PLCG2: variants seen among roughly 807,000 people sequenced by gnomAD.
The protein encoded by PLCG2 is phospholipase C gamma 2.
PLCG2 carries 69 observed loss-of-function variants against 175.6 expected under a neutral mutation model. The ratio of observed to expected loss-of-function variants is 0.39; its 90% CI spans 0.32 to 0.48. The LOEUF (loss-of-function observed/expected upper bound fraction) is 0.48, where lower values mean the gene tolerates loss of function less well. Ranked by LOEUF, PLCG2 falls within the 20% of genes least tolerant of loss-of-function variation. The pLI, the probability that PLCG2 is intolerant of heterozygous loss-of-function variation, is 0.91. For missense variants in PLCG2, 1,798 were observed against 1,650.9 expected (o/e 1.09, Z -1.54); for synonymous variants, 827 against 624.0 (o/e 1.33, Z -4.85).
At chr16:81,847,542 C>T (rs561394319) in intron 2 of PLCG2, among the ~76,000 whole-genome samples, 1 of 152,180 alleles carries the variant, frequency 6.6e-6, no homozygotes, top group African/African-American at 2.4e-5. Context: ...AGATACTTAT[C>T]ACTGCAGATT....
In PLCG2 at chr16:81,951,473, G is replaced by C. The variant is rs1000905054; in HGVS notation, c.3570+5210G>C. On this transcript the variant is annotated intron_variant, in intron 31 of 32. Coordinates refer to ENST00000564138, the MANE Select transcript of PLCG2 (RefSeq NM_002661.5). Reference sequence around the variant, plus strand: ...TTAGATAAAACAGGTTTAGGATCTAGATGGTTTTATAGCTTAGTTTTGTCT... The same window carrying C: ...TTAGATAAAACAGGTTTAGGATCTACATGGTTTTATAGCTTAGTTTTGTCT... Among the ~76,000 whole-genome samples, 37 of 150,204 alleles carry C rather than the reference G, an allele frequency of 2.5e-4. 1 individual carries two copies. Among genetic ancestry groups the C allele is most frequent in the African/African-American group, 1.2e-4 (5 of 41,360 alleles).
intron 2 of PLCG2, among the ~76,000 whole-genome samples, chr16:81,845,686 C>T (rs771310445): frequency 9.8e-5 from 15 of 152,326 alleles, no homozygotes; most frequent in South Asian, 2.1e-4. Flanking sequence ...TGGGCCTGAC[C>T]GCTCTCTGTG....
At chr16:81,841,204 C>CTTTATTTATTTA (rs144363484) in intron 2 of PLCG2, among the ~76,000 whole-genome samples, 8 of 144,630 alleles carry the variant, frequency 5.5e-5, no homozygotes, top group South Asian at 2.3e-4. Flanking sequence ...AAAAAGTAAA[C>CTTTATTTATTTA]TTTATTTATT....
chr16:81,762,468 C>G (rs1173618081), intron 2 of PLCG2, among the ~76,000 whole-genome samples: 5 of 151,772 alleles, frequency 3.3e-5, no homozygotes, highest in African/African-American at 1.2e-4. Flanking sequence ...ACTCGGGAGG[C>G]TGAGGCATGA....
intron 15 of PLCG2, chr16:81,906,275 A>T (rs1039895124): frequency 6.6e-5 from 10 of 152,078 alleles, no homozygotes; most frequent in African/African-American, 2.4e-4. Flanking sequence ...GTGTCCTCCA[A>T]CTGGGGGTCG....
At chr16:81,755,082 A>G (rs767623224) in intron 1 of PLCG2, among the ~76,000 whole-genome samples, 3 of 152,188 alleles carry the variant, frequency 2.0e-5, no homozygotes, top group Non-Finnish European at 4.4e-5. Context: ...TAGGCATCAG[A>G]TGAGATAAAA....
chr16:81,834,009 G>A (rs899279726), intron 2 of PLCG2, among the ~76,000 whole-genome samples: 2 of 152,200 alleles, frequency 1.3e-5, no homozygotes, highest in Non-Finnish European at 2.9e-5. Context: ...CATTCAGGGA[G>A]CAGCTGCTGG....
intron 1 of PLCG2, among the ~76,000 whole-genome samples, chr16:81,743,274 A>T (rs1165848238): frequency 6.6e-6 from 1 of 152,242 alleles, no homozygotes; most frequent in Non-Finnish European, 1.5e-5. Context: ...TCACACGAGC[A>T]TGGGAGGTTG....
intron 20 of PLCG2, among the ~76,000 whole-genome samples, chr16:81,920,231 C>T (rs1784977783): frequency 1.3e-5 from 2 of 152,176 alleles, no homozygotes; most frequent in South Asian, 4.1e-4. Context: ...TTGGAGAGTT[C>T]TGGGTGCAGG....
rs748353318 is a variant in PLCG2 at position 81,921,391 on chromosome 16, AT to A, written c.2307+137del. On this transcript the variant is annotated intron_variant, in intron 21 of 32. Transcript: ENST00000564138. ...GACTTTGGAAAACCTGGCCAAAATA[AT>A]TTTTTTTTTTTTTTGAGAAGAAAGG... is the stretch of plus-strand genomic sequence containing the variant. 65,462 of 566,328 alleles carry A rather than the reference AT, an allele frequency of 0.12. No homozygotes were observed. The highest frequency in any genetic ancestry group is 0.13 in the South Asian group (6,546 of 50,890). The allele number at this position is 566,328 out of a possible 1,614,324, so 35.1% of individuals were successfully genotyped here.
In PLCG2 at chr16:81,961,133, C is replaced by T; in HGVS notation, c.*3135C>T. 1 of 231,022 alleles carries T rather than the reference C, an allele frequency of 4.3e-6. No homozygotes were observed. The highest frequency in any genetic ancestry group is 8.6e-6 in the Non-Finnish European group (1 of 116,714). The allele number at this position is 231,022 out of a possible 1,614,324, so 14.3% of individuals were successfully genotyped here. A position where few individuals can be genotyped will look rare whatever the true frequency, so the allele number is the denominator to read the frequency against. On this transcript the variant is annotated 3_prime_UTR_variant, in exon 33 of 33. Coordinates refer to ENST00000564138, the MANE Select transcript of PLCG2 (RefSeq NM_002661.5). The stretch of plus-strand genomic sequence containing the variant: ...GCTTTCAACAAAGTGGGAGGAACAG[C>T]CTGTAGATTTCTGAGTCTCTTAGCA...
chr16:81,872,450 G>A (rs751917824), intron 7 of PLCG2, among the ~76,000 whole-genome samples: 1 of 152,298 alleles, frequency 6.6e-6, no homozygotes, highest in Non-Finnish European at 1.5e-5. Context: ...TGCTGGAAGG[G>A]GTTGGGAAGA....
At chr16:81,775,166 A>C (rs986644807), upstream of PLCG2, among the ~76,000 whole-genome samples, 1 of 152,174 alleles carries the variant, frequency 6.6e-6, no homozygotes, top group Non-Finnish European at 1.5e-5. Flanking sequence ...CCATCGTCAC[A>C]ATCCATTTTA....
intron 1 of PLCG2, among the ~76,000 whole-genome samples, chr16:81,783,463 T>A (rs1425142167): frequency 1.3e-5 from 2 of 152,174 alleles, no homozygotes; most frequent in African/African-American, 4.8e-5. Flanking sequence ...TTAACCTCTT[T>A]TGAGAGTGGC....
chr16:81,908,919 G>A (rs937831435), intron 17 of PLCG2, among the ~76,000 whole-genome samples: 3 of 152,170 alleles, frequency 2.0e-5, no homozygotes, highest in African/African-American at 7.2e-5. Context: ...CACTTTCCCC[G>A]ATCCCAGCCC....
chr16:81,741,066 C>G (rs1047304738), intron 1 of PLCG2, among the ~76,000 whole-genome samples: 1 of 152,234 alleles, frequency 6.6e-6, no homozygotes, highest in African/African-American at 2.4e-5. Flanking sequence ...CCTCCATAGA[C>G]CAGCGCTCTT....
chr16:81,942,592 C>T (rs1910989284), intron 30 of PLCG2, among the ~76,000 whole-genome samples: 1 of 152,072 alleles, frequency 6.6e-6, no homozygotes, highest in African/African-American at 2.4e-5. Context: ...AAAGCAGCAG[C>T]CTTTATTGTG....
chr16:81,786,344 T>C (rs776705750), intron 2 of PLCG2, among the ~76,000 whole-genome samples, 162 bp downstream of exon 2: 12 of 144,194 alleles, frequency 8.3e-5, no homozygotes, highest in Non-Finnish European at 1.2e-4. Context: ...GGATCTCTGA[T>C]GAGGTTTACA....
chr16:81,902,514 C>G (rs1229090054), intron 14 of PLCG2, among the ~76,000 whole-genome samples: 1 of 152,156 alleles, frequency 6.6e-6, no homozygotes, highest in African/African-American at 2.4e-5. Flanking sequence ...AAATAACCAT[C>G]TGGGACATGG....
Sources: allele counts gnomAD v4.1 joint callset (sites outside exome capture counted in the v4.1 genomes callset), GRCh38; gene constraint gnomAD v4.1.1; transcripts MANE v1.5; gene names NCBI Gene and HGNC (gene_info 2026-07-23, HGNC 2026-07-21).